The following SUGT1 variants were observed in gnomAD, a reference collection of about 807,000 sequenced individuals.
SUGT1 encodes the protein protein SGT1 homolog.
SUGT1 carries 15 observed loss-of-function variants against 56.1 expected under a neutral mutation model. The observed-to-expected ratio is 0.27, with a 90% confidence interval of 0.18 to 0.41. The LOEUF (loss-of-function observed/expected upper bound fraction) is 0.41, where lower values mean the gene tolerates loss of function less well. Ranked by LOEUF, SUGT1 falls within the 10% of genes least tolerant of loss-of-function variation. SUGT1 has a pLI of 1.00. For synonymous variants in SUGT1, 123 were observed against 128.6 expected (o/e 0.96, Z 0.30); for missense variants, 347 against 382.2 (o/e 0.91, Z 0.77).
intron 9 of SUGT1, 102 bp downstream of exon 9, chr13:52,665,835 TC>T: frequency 1.4e-6 from 1 of 728,202 alleles, no homozygotes; most frequent in Non-Finnish European, 2.1e-6. Flanking sequence ...TGCTATTTCT[TC>T]CTGAGATGAT....
chr13:52,665,335 A>T (rs1441181702), intron 8 of SUGT1, among the ~76,000 whole-genome samples: 3 of 152,166 alleles, frequency 2.0e-5, no homozygotes, highest in African/African-American at 7.2e-5. Context: ...AAAATAAATG[A>T]CATCTTTAAT....
intron 4 of SUGT1, 39 bp from the exon 5 acceptor site, chr13:52,659,140 T>C: frequency 6.7e-7 from 1 of 1,482,032 alleles, no homozygotes; most frequent in Non-Finnish European, 9.0e-7. Flanking sequence ...TTTCCAGATT[T>C]TTTGTGTGTC....
At position 52,692,691 on chromosome 13, in the gene SUGT1, G is replaced by A. The variant is rs1963817070; in HGVS notation, c.*4856G>A. The A allele has an allele frequency of 6.6e-6, 1 of 152,304 alleles. No individual in the cohort carries two copies. The highest frequency in any genetic ancestry group is 2.4e-5 in the African/African-American group (1 of 41,470). The allele number at this position is 152,304 out of a possible 1,614,324, so 9.4% of individuals were successfully genotyped here. A position where few individuals can be genotyped will look rare whatever the true frequency, so the allele number is the denominator to read the frequency against. On this transcript the variant is annotated 3_prime_UTR_variant, in exon 13 of 13. Transcript: ENST00000310528. ...CCCAAAATGCTGGGATTATAGGCGT[G>A]AGCCACTGTGCCCAGCCAAGAACTA...
chr13:52,673,580 A>G (rs1395410035), intron 10 of SUGT1, among the ~76,000 whole-genome samples: 2 of 152,228 alleles, frequency 1.3e-5, no homozygotes, highest in Admixed American at 1.3e-4. Flanking sequence ...CATACTGCAC[A>G]GTTACTCAGG....
chr13:52,687,710 A>G (rs1178572473), intron 12 of SUGT1, 24 bp from the exon 13 acceptor site: 1 of 1,537,940 alleles, frequency 6.5e-7, no homozygotes, highest in Non-Finnish European at 8.8e-7. Flanking sequence ...CCAGGAATTA[A>G]TCTATTTTTA....
intron 3 of SUGT1, 44 bp downstream of exon 3, chr13:52,657,666 C>T (rs1490494021): frequency 1.9e-6 from 3 of 1,539,256 alleles, no homozygotes; most frequent in Non-Finnish European, 2.7e-6. Flanking sequence ...TAATAAGTTA[C>T]TTATACATTT....
At chr13:52,686,701 T>C (rs753587483) in intron 12 of SUGT1, among the ~76,000 whole-genome samples, 4 of 152,314 alleles carry the variant, frequency 2.6e-5, no homozygotes, top group Non-Finnish European at 5.9e-5. Flanking sequence ...TATTTTTAAA[T>C]GTTTATATTG....
intron 10 of SUGT1, among the ~76,000 whole-genome samples, chr13:52,673,658 TA>T (rs1340968184): frequency 6.6e-6 from 1 of 152,222 alleles, no homozygotes; most frequent in Non-Finnish European, 1.5e-5. Context: ...AGGAACTTTT[TA>T]TAGACAGTAT....
chr13:52,669,721 A>G (rs1566185862), intron 10 of SUGT1, among the ~76,000 whole-genome samples: 1 of 152,178 alleles, frequency 6.6e-6, no homozygotes, highest in African/African-American at 2.4e-5. Context: ...ATATATATAT[A>G]TGTGCACACA....
At chr13:52,655,971 G>T (rs1276669335) in intron 2 of SUGT1, among the ~76,000 whole-genome samples, 1 of 152,164 alleles carries the variant, frequency 6.6e-6, no homozygotes, top group East Asian at 1.9e-4. Context: ...TGAGCCCAAG[G>T]AGAACATTAG....
Position 52,690,919 on chromosome 13 carries a change from T to C in SUGT1, c.*3084T>C, listed in dbSNP as rs1211054115. Reference sequence around the variant, plus strand: ...CACGGTCTTCTTCTATCACCTAGGCTGGAGTGCAGTGGTGCGATCATGGCT... The same window carrying C: ...CACGGTCTTCTTCTATCACCTAGGCCGGAGTGCAGTGGTGCGATCATGGCT... On this transcript the variant is annotated 3_prime_UTR_variant, in exon 13 of 13. Coordinates refer to ENST00000310528, the MANE Select transcript of SUGT1 (RefSeq NM_006704.5). 1.3e-5 allele frequency: 2 copies of C among 152,210 alleles called. No homozygotes were observed. Among genetic ancestry groups the C allele is most frequent in the African/African-American group, 2.4e-5 (1 of 41,452 alleles). 9.4% of individuals were successfully genotyped at this position (152,210 alleles called of 1,614,324 possible). A position where few individuals can be genotyped will look rare whatever the true frequency, so the allele number is the denominator to read the frequency against.
intron 5 of SUGT1, among the ~76,000 whole-genome samples, chr13:52,659,647 C>T (rs191839761): frequency 2.0e-5 from 3 of 151,192 alleles, no homozygotes; most frequent in Admixed American, 6.6e-5. Context: ...GTGAAGTGTA[C>T]GTTTGGGTAA....
rs555226844 is a variant in SUGT1 at position 52,676,305 on chromosome 13, A to C, written c.703A>C (p.Lys235Gln). The change falls in exon 11 of 13, where the codon AAA (lysine) becomes CAA (glutamine). Residue 235 changes from lysine (K) to glutamine (Q), a missense_variant. Coordinates refer to ENST00000310528, the MANE Select transcript of SUGT1 (RefSeq NM_006704.5). ...GGGGCAAGGAGATGTGCCTACGCCA[A>C]AACAATTCGTAGCAGGTTTGTTTTC... is the stretch of plus-strand genomic sequence containing the variant. ...LEGQGDVPTP[K>Q]QFVADVKNLY... The C allele has an allele frequency of 6.2e-7, 1 of 1,612,276 alleles. No individual in the cohort carries two copies. The highest frequency in any genetic ancestry group is 1.1e-5 in the South Asian group (1 of 90,638).
chr13:52,662,532 G>A (rs531771108), intron 5 of SUGT1, 117 bp from the exon 6 acceptor site: 35 of 898,728 alleles, frequency 3.9e-5, no homozygotes, highest in Non-Finnish European at 5.0e-5. Flanking sequence ...GGTTTTGTTC[G>A]CTGCCGACTC....
In SUGT1 at chr13:52,690,114, A is replaced by G. The variant is rs542804164; in HGVS notation, c.*2279A>G. The G allele has an allele frequency of 1.3e-5, 2 of 152,354 alleles. No individual in the cohort carries two copies. The highest frequency in any genetic ancestry group is 1.9e-4 in the East Asian group (1 of 5,190). 9.4% of individuals were successfully genotyped at this position (152,354 alleles called of 1,614,324 possible). Reference sequence around the variant, plus strand: ...CTGGTCTGAAGGGAGTTTGTAAAACACATGACTGAAAGCATTATAAAACAT... The same window carrying G: ...CTGGTCTGAAGGGAGTTTGTAAAACGCATGACTGAAAGCATTATAAAACAT... On this transcript the variant is annotated 3_prime_UTR_variant, in exon 13 of 13. Coordinates refer to ENST00000310528, the MANE Select transcript of SUGT1 (RefSeq NM_006704.5).
intron 9 of SUGT1, 65 bp from the exon 10 acceptor site, chr13:52,666,747 G>T (rs988444783): frequency 3.0e-6 from 3 of 987,744 alleles, no homozygotes; most frequent in Admixed American, 4.1e-5. Flanking sequence ...TCATTATTTT[G>T]TGTAGGTTTT....
intron 12 of SUGT1, among the ~76,000 whole-genome samples, chr13:52,681,172 T>C (rs1253384649): frequency 6.6e-6 from 1 of 151,858 alleles, no homozygotes; most frequent in African/African-American, 2.4e-5. Flanking sequence ...TTCATCACTT[T>C]TGGGAGACTG....
In SUGT1 at chr13:52,689,941, C is replaced by T. The variant is rs1448947393; in HGVS notation, c.*2106C>T. 7.1e-6 allele frequency: 1 copy of T among 140,610 alleles called. No homozygotes were observed. The highest frequency in any genetic ancestry group is 2.7e-5 in the African/African-American group (1 of 37,108). The allele number at this position is 140,610 out of a possible 1,614,324, so 8.7% of individuals were successfully genotyped here. On this transcript the variant is annotated 3_prime_UTR_variant, in exon 13 of 13. Transcript: ENST00000310528. ...CCAAGATCATGCCACTGCACTCCAGCCTGGGCGACTCCATCTCAAAAAAAA... is the reference window on the plus strand; with the variant it reads ...CCAAGATCATGCCACTGCACTCCAGTCTGGGCGACTCCATCTCAAAAAAAA...
rs1308421426 is a variant in SUGT1 at position 52,692,354 on chromosome 13, A to G, written c.*4519A>G. 6.6e-6 allele frequency: 1 copy of G among 152,096 alleles called. No homozygotes were observed. The highest frequency in any genetic ancestry group is 2.4e-5 in the African/African-American group (1 of 41,406). 9.4% of individuals were successfully genotyped at this position (152,096 alleles called of 1,614,324 possible). On this transcript the variant is annotated 3_prime_UTR_variant, in exon 13 of 13. Transcript: ENST00000310528. ...GCTAGATGTGGAATGAATGATTTTTATTACCAAATCAGCTGACTGGAAATG... is the reference window on the plus strand; with the variant it reads ...GCTAGATGTGGAATGAATGATTTTTGTTACCAAATCAGCTGACTGGAAATG...
Sources: allele counts gnomAD v4.1 joint callset (sites outside exome capture counted in the v4.1 genomes callset), GRCh38; gene constraint gnomAD v4.1.1; transcripts MANE v1.5; gene names NCBI Gene and HGNC (gene_info 2026-07-23, HGNC 2026-07-21).